Variants in DYNC1H1 observed in about 807,000 individuals in gnomAD.
DYNC1H1 encodes the protein dynein cytoplasmic 1 heavy chain 1.
Under a neutral mutation model 527.1 loss-of-function variants are expected in DYNC1H1, and 51 were observed. That is an observed-to-expected ratio of 0.10 (90% CI 0.08 to 0.12). The LOEUF (loss-of-function observed/expected upper bound fraction) is 0.12. Among genes scored for constraint, DYNC1H1 ranks in the 10% least tolerant of loss-of-function variants. DYNC1H1 has a pLI of 1.00. For synonymous variants in DYNC1H1, 2,189 were observed against 2,278.8 expected, an observed-to-expected ratio of 0.96 and a Z score of 1.12; for missense variants, 2,771 against 5,971.8, an observed-to-expected ratio of 0.46 and a Z score of 17.66.
In DYNC1H1 at chr14:102,001,446, G is replaced by A. The variant is rs1051209753; in HGVS notation, c.4396-89G>A. ...TAAAAATGGAGCCTTGTCATCTGTGGTCCTTTTGGTTCTTATAATGCTGGG... is the reference window on the plus strand; with the variant it reads ...TAAAAATGGAGCCTTGTCATCTGTGATCCTTTTGGTTCTTATAATGCTGGG... On this transcript the variant is annotated intron_variant, in intron 20 of 77. Coordinates refer to ENST00000360184, the MANE Select transcript of DYNC1H1 (RefSeq NM_001376.5). The surrounding 1 kb of genome is among the most constrained non-coding windows in gnomAD (Gnocchi z 5.0). 1 of 1,613,052 alleles carries A rather than the reference G, an allele frequency of 6.2e-7. No homozygotes were observed. Among genetic ancestry groups the A allele is most frequent in the South Asian group, 1.1e-5 (1 of 90,948 alleles).
Position 101,983,676 on chromosome 14 carries a change from T to C in DYNC1H1, c.1461+67T>C, listed in dbSNP as rs17540742. The C allele has an allele frequency of 0.013, 19,692 of 1,528,514 alleles. 207 individuals carry two copies. Among genetic ancestry groups the C allele is most frequent in the African/African-American group, 0.032 (2,319 of 71,464 alleles). 94.7% of individuals were successfully genotyped at this position (1,528,514 alleles called of 1,614,324 possible). On this transcript the variant is annotated intron_variant, in intron 7 of 77. Coordinates refer to ENST00000360184, the MANE Select transcript of DYNC1H1 (RefSeq NM_001376.5). This position sits in a 1 kb window ranked among gnomAD's most constrained non-coding sequence, Gnocchi z 5.3. Reference sequence around the variant, plus strand: ...TTGTTTTGTTTTTTGTTTGGTGTTTTTTTTTTGTTGTTGTTGTTGAGATGA... The same window carrying C: ...TTGTTTTGTTTTTTGTTTGGTGTTTCTTTTTTGTTGTTGTTGTTGAGATGA...
chr14:102,004,024 G>A (rs1188609401), intron 23 of DYNC1H1, among the ~76,000 whole-genome samples: 3 of 151,822 alleles, frequency 2.0e-5, no homozygotes, highest in African/African-American at 7.3e-5. Context: ...GGCGGATCAC[G>A]AGGTCAGGAG....
chr14:102,010,785 G>A lies in DYNC1H1; in HGVS notation c.6451G>A (p.Ala2151Thr). 1 of 1,613,750 alleles carries A rather than the reference G, an allele frequency of 6.2e-7. No individual in the cohort carries two copies. The highest frequency in any genetic ancestry group is 8.5e-7 in the Non-Finnish European group (1 of 1,179,978). Residue 2151 changes from alanine to threonine, a missense_variant, in exon 32 of 78, where the codon GCA becomes ACA. Physicochemically the swap from Ala to Thr is moderately conservative, Grantham distance 58 (BLOSUM62 0). Transcript: ENST00000360184. The surrounding 1 kb of genome is among the most constrained non-coding windows in gnomAD (Gnocchi z 6.0). ...VCETMVPKLVAEDIPLLFSLL... is the reference protein window; with the variant it reads ...VCETMVPKLVTEDIPLLFSLL... ...TGAGACGATGGTGCCAAAGCTGGTGGCAGAGGACATCCCGCTGCTCTTCAG... is the reference window on the plus strand; with the variant it reads ...TGAGACGATGGTGCCAAAGCTGGTGACAGAGGACATCCCGCTGCTCTTCAG...
At position 101,965,122 on chromosome 14, in the gene DYNC1H1, GCCGCAGACGCC is replaced by G. The variant is rs1303960938; in HGVS notation, c.256+183_256+193del. On this transcript the variant is annotated intron_variant, in intron 1 of 77. Transcript: ENST00000360184. The surrounding 1 kb of genome is among the most constrained non-coding windows in gnomAD (Gnocchi z 4.1). ...ACGTCCCGCCGGCCGGGTCCCCAGG[GCCGCAGACGCC>G]CCGCAGAGGCCGGCGCGGCGCCCGG... 4.6e-5 allele frequency among the ~76,000 whole-genome samples: 7 copies of G among 151,940 alleles called. No homozygotes were observed. In the East Asian group the frequency reaches 9.7e-4, roughly 21 times the overall value.
rs1567022572 is a variant in DYNC1H1, at chr14:102,042,280, G to A, written c.12267G>A (p.Lys4089=). 4 of 1,614,140 alleles carry A rather than the reference G, an allele frequency of 2.5e-6. No homozygotes were observed. Among genetic ancestry groups the A allele is most frequent in the Non-Finnish European group, 3.4e-6 (4 of 1,180,034 alleles). Residue 4089 remains lysine, a synonymous_variant, in exon 67 of 78, where the codon AAG becomes AAA. Coordinates refer to ENST00000360184, the MANE Select transcript of DYNC1H1 (RefSeq NM_001376.5). This position sits in a 1 kb window ranked among gnomAD's most constrained non-coding sequence, Gnocchi z 5.7. ...QADKAINTAV[K]SGRWVMLKNV... is the part of the protein sequence containing the mutation. The stretch of plus-strand genomic sequence containing the variant: ...ATAAGGCAATAAACACCGCTGTAAA[G>A]TCGGGCAGGTAGGCCTGTTCTCTTT...
chr14:101,967,863 A>G (rs2047685117), intron 1 of DYNC1H1, among the ~76,000 whole-genome samples: 1 of 152,204 alleles, frequency 6.6e-6, no homozygotes, highest in African/African-American at 2.4e-5. Context: ...AAAGTATAGA[A>G]TAAATGTTGT....
chr14:101,968,721 C>T (rs2047695752), intron 1 of DYNC1H1, among the ~76,000 whole-genome samples: 3 of 151,166 alleles, frequency 2.0e-5, no homozygotes, highest in Admixed American at 2.0e-4. Flanking sequence ...ACCACCACGC[C>T]TGGCTCATTG....
In DYNC1H1 at chr14:102,038,320, A is replaced by G. The variant is rs762100713; in HGVS notation, c.10909-140A>G. The G allele has an allele frequency of 7.3e-7, 1 of 1,360,966 alleles. No homozygotes were observed. The highest frequency in any genetic ancestry group is 1.2e-5 in the South Asian group (1 of 81,060). 84.3% of individuals were successfully genotyped at this position (1,360,966 alleles called of 1,614,324 possible). ...TTCATTTAAATGTAAGTAGCCACAC[A>G]TAGCTAGTGGCCACCACACGCAAGT... On this transcript the variant is annotated intron_variant, in intron 57 of 77. Transcript: ENST00000360184. This position sits in a 1 kb window ranked among gnomAD's most constrained non-coding sequence, Gnocchi z 7.2.
At chr14:101,967,096 G>A (rs1317530662) in intron 1 of DYNC1H1, among the ~76,000 whole-genome samples, 1 of 152,132 alleles carries the variant, frequency 6.6e-6, no homozygotes, top group East Asian at 1.9e-4. Flanking sequence ...CCTAAGGAAA[G>A]ATTTTTAAAT....
chr14:102,014,118 G>A (rs2048292234), intron 34 of DYNC1H1, among the ~76,000 whole-genome samples: 1 of 152,218 alleles, frequency 6.6e-6, no homozygotes, highest in Non-Finnish European at 1.5e-5. Flanking sequence ...TGTCAGAGGA[G>A]ATTAATCTCC....
In DYNC1H1 at chr14:101,984,448, A is replaced by ATTTT. The variant is rs1224932045; in HGVS notation, c.1461+840_1461+841insTTTT. 1.8e-3 allele frequency among the ~76,000 whole-genome samples: 161 copies of ATTTT among 89,072 alleles called. 8 individuals are homozygous for ATTTT. Among genetic ancestry groups the ATTTT allele is most frequent in the African/African-American group, 3.1e-3 (56 of 17,866 alleles). The allele number at this position is 89,072 out of a possible 152,430, so 58.4% of individuals were successfully genotyped here. A position where few individuals can be genotyped will look rare whatever the true frequency, so the allele number is the denominator to read the frequency against. ...GTGTGTGTGTATATATATATATATTATATTTTTTTTTTTTTTTTTTTTTTG... is the reference window on the plus strand; with the variant it reads ...GTGTGTGTGTATATATATATATATTATTTTTATTTTTTTTTTTTTTTTTTTTTTG... On this transcript the variant is annotated intron_variant, in intron 7 of 77. Transcript: ENST00000360184.
rs767259550 is a variant in DYNC1H1, at chr14:102,040,307, C to G, written c.11762C>G (p.Thr3921Ser). 1 of 1,614,082 alleles carries G rather than the reference C, an allele frequency of 6.2e-7. No individual in the cohort carries two copies. The highest frequency in any genetic ancestry group is 8.5e-7 in the Non-Finnish European group (1 of 1,180,050). Residue 3921 changes from threonine to serine, a missense_variant, in exon 63 of 78, where the codon ACC becomes AGC. By Grantham distance (58) the Thr-to-Ser change is moderately conservative (BLOSUM62 1). Around this residue, in one of 32 missense-constraint regions of DYNC1H1, gnomAD observed 120 missense variants for 161.9 expected, o/e 0.74. Transcript: ENST00000360184. ...GNEIVLSAGSTPRIQGLTVEQ... is the reference protein window; with the variant it reads ...GNEIVLSAGSSPRIQGLTVEQ... ...GAGATTGTCCTGAGTGCTGGCTCCA[C>G]CCCCAGGATCCAGGGCCTGACTGTG...
chr14:101,969,163 G>A (rs1478473214), intron 1 of DYNC1H1, among the ~76,000 whole-genome samples: 6 of 150,550 alleles, frequency 4.0e-5, no homozygotes, highest in Admixed American at 4.0e-4. Flanking sequence ...GACTACAGGC[G>A]CCTGCCACCA....
intron 56 of DYNC1H1, chr14:102,035,270 G>C (rs2048560580): frequency 6.6e-6 from 1 of 152,258 alleles, no homozygotes; most frequent in Admixed American, 6.6e-5. Context: ...GTTGTGTTTG[G>C]GGGTGGACAT....
At chr14:102,040,550 C>T (rs771712774) in intron 63 of DYNC1H1, 48 bp from the exon 64 acceptor site, 2 of 1,613,428 alleles carry the variant, frequency 1.2e-6, no homozygotes, top group Admixed American at 1.7e-5. Flanking sequence ...GGGTTCTGCC[C>T]CAGAGGCCAG....
intron 28 of DYNC1H1, 78 bp from the exon 29 acceptor site, chr14:102,008,100 T>C: frequency 6.2e-7 from 1 of 1,600,096 alleles, no homozygotes; most frequent in Non-Finnish European, 8.5e-7. Flanking sequence ...ATCAACATAC[T>C]GATTTGTGGC....
chr14:102,008,427 G>A (rs2048221730), intron 29 of DYNC1H1, 90 bp downstream of exon 29: 12 of 1,524,480 alleles, frequency 7.9e-6, no homozygotes, highest in Middle Eastern at 3.4e-4. Context: ...TTAGAAATAA[G>A]CAAGAATTTA....
intron 43 of DYNC1H1, among the ~76,000 whole-genome samples, chr14:102,024,377 C>T (rs1028487895): frequency 3.9e-5 from 6 of 152,152 alleles, no homozygotes; most frequent in Admixed American, 3.9e-4. Context: ...TTAGGCAGCT[C>T]CCACTCCAGT....
intron 11 of DYNC1H1, among the ~76,000 whole-genome samples, chr14:101,993,447 G>T (rs1303157453): frequency 1.3e-5 from 2 of 152,118 alleles, no homozygotes; most frequent in East Asian, 3.9e-4. Context: ...AGCCCCAGTG[G>T]CTTGCTGGGC....
Sources: gnomAD v4.1 joint callset for allele counts (sites outside exome capture counted in the v4.1 genomes callset) on GRCh38, gnomAD v4.1.1 for gene constraint, gnomAD v4.1.1 regional missense constraint, Gnocchi (gnomAD v3.1) non-coding constraint, MANE v1.5 for transcripts, NCBI Gene and HGNC (gene_info 2026-07-23, HGNC 2026-07-21) for gene names.